Variants in FAM120B observed in about 807,000 individuals in gnomAD.
FAM120B encodes family with sequence similarity 120 member B, also known as constitutive coactivator of peroxisome proliferator-activated receptor gamma.
In FAM120B, 83 loss-of-function variants were observed where a neutral mutation model predicts 96.3. That is an observed-to-expected ratio of 0.86 (90% CI 0.72 to 1.03). The LOEUF is 1.03. Ranked by LOEUF, FAM120B falls within the 50% of genes least tolerant of loss-of-function variation. The pLI, the probability that FAM120B is intolerant of heterozygous loss-of-function variation, is 0.00. For synonymous variants in FAM120B, 407 were observed against 402.7 expected (o/e 1.01, Z -0.13); for missense variants, 1,027 against 1,121.2 (o/e 0.92, Z 1.20).
chr6:170,373,170 C>T (rs549933538), intron 6 of FAM120B, among the ~76,000 whole-genome samples: 1 of 152,342 alleles, frequency 6.6e-6, no homozygotes, highest in African/African-American at 2.4e-5. Flanking sequence ...TGGTTCCCAT[C>T]AGATGCCCTG....
At chr6:170,379,669 T>A (rs1296112843) in intron 6 of FAM120B, among the ~76,000 whole-genome samples, 1 of 152,246 alleles carries the variant, frequency 6.6e-6, no homozygotes, top group Non-Finnish European at 1.5e-5. Context: ...GATTTTTATA[T>A]TATTTTGAAA....
chr6:170,316,209 T>C (rs1241931300), intron 1 of FAM120B, among the ~76,000 whole-genome samples: 1 of 152,166 alleles, frequency 6.6e-6, no homozygotes, highest in Non-Finnish European at 1.5e-5. Flanking sequence ...GATTAGAATG[T>C]AGATGTTAAA....
chr6:170,291,004 C>G (rs1783853816), upstream of FAM120B: 1 of 701,876 alleles, frequency 1.4e-6, no homozygotes, highest in Admixed American at 2.0e-5. Context: ...TCAGCAGCCC[C>G]CCAATCTGGC....
At chr6:170,332,935 T>G (rs1786158416) in intron 4 of FAM120B, among the ~76,000 whole-genome samples, 1 of 152,122 alleles carries the variant, frequency 6.6e-6, no homozygotes, top group African/African-American at 2.4e-5. Flanking sequence ...CTTTTTCCTC[T>G]GGTAGCACAT....
intron 4 of FAM120B, among the ~76,000 whole-genome samples, chr6:170,340,796 G>A (rs1786769214): frequency 6.6e-6 from 1 of 152,150 alleles, no homozygotes; most frequent in African/African-American, 2.4e-5. Context: ...TACCCTGTTT[G>A]CCTGGTATCA....
intron 3 of FAM120B, among the ~76,000 whole-genome samples, chr6:170,327,556 A>G (rs1385025153): frequency 2.0e-5 from 3 of 151,944 alleles, no homozygotes; most frequent in Non-Finnish European, 4.4e-5. Context: ...CGGTGAGTCC[A>G]TGAGTGAGTG....
At chr6:170,330,868 G>T in intron 4 of FAM120B, 1 of 281,774 alleles carries the variant, frequency 3.5e-6, no homozygotes, top group Non-Finnish European at 6.7e-6. Flanking sequence ...TGCTGCCGCA[G>T]CCCCAGTGCC....
chr6:170,327,453 A>G (rs1469529261), intron 3 of FAM120B, among the ~76,000 whole-genome samples: 3 of 152,254 alleles, frequency 2.0e-5, no homozygotes, highest in African/African-American at 7.2e-5. Context: ...TTCAGACTGT[A>G]AAAAAGCAGG....
intron 4 of FAM120B, among the ~76,000 whole-genome samples, chr6:170,333,517 C>CTT (rs568919700): frequency 1.9e-4 from 26 of 138,200 alleles, no homozygotes; most frequent in East Asian, 4.3e-4. Flanking sequence ...TGAGCCTCAT[C>CTT]TTTTTTTTTT....
In FAM120B at chr6:170,404,854, T is replaced by C. The variant is rs41269643; in HGVS notation, c.*103T>C. On this transcript the variant is annotated 3_prime_UTR_variant, in exon 11 of 11. Coordinates refer to ENST00000476287, the MANE Select transcript of FAM120B (RefSeq NM_032448.3). ...TGCAGCTGCAAGGAGACCATGCCTGTGGGAGCCAGGCCTCGCTTGCATGAA... is the reference window on the plus strand; with the variant it reads ...TGCAGCTGCAAGGAGACCATGCCTGCGGGAGCCAGGCCTCGCTTGCATGAA... 90 of 486,898 alleles carry C rather than the reference T, an allele frequency of 1.8e-4. No individual in the cohort carries two copies. The highest frequency in any genetic ancestry group is 3.0e-4 in the Non-Finnish European group (83 of 274,600). 30.2% of individuals were successfully genotyped at this position (486,898 alleles called of 1,614,324 possible).
At chr6:170,350,519 T>C (rs951559287) in intron 5 of FAM120B, among the ~76,000 whole-genome samples, 1 of 152,196 alleles carries the variant, frequency 6.6e-6, no homozygotes, top group Admixed American at 6.5e-5. Flanking sequence ...TCCAGCCACC[T>C]CCTACAGGTG....
At chr6:170,390,817 G>T (rs1422598549) in intron 7 of FAM120B, among the ~76,000 whole-genome samples, 196 bp from the exon 8 acceptor site, 1 of 152,150 alleles carries the variant, frequency 6.6e-6, no homozygotes, top group Non-Finnish European at 1.5e-5. Context: ...TGTTCTCGAA[G>T]AACCTCTTGG....
chr6:170,319,067 TGTG>T lies in FAM120B; in HGVS notation c.1679_1681del (p.Val560del). On this transcript the variant is annotated inframe_deletion, in exon 2 of 11. Transcript: ENST00000476287. The stretch of plus-strand genomic sequence containing the variant: ...AAATTAAACAAGAAGACCCCACAAA[TGTG>T]GGGCCTGAAGTAAAGCAACAAGTAA... 1 of 1,596,464 alleles carries T rather than the reference TGTG, an allele frequency of 6.3e-7. No homozygotes were observed. Among genetic ancestry groups the T allele is most frequent in the Non-Finnish European group, 8.5e-7 (1 of 1,171,802 alleles).
At chr6:170,304,262 A>T (rs1784206537), upstream of FAM120B, among the ~76,000 whole-genome samples, 2 of 152,200 alleles carry the variant, frequency 1.3e-5, no homozygotes, top group South Asian at 4.1e-4. Context: ...ATTGTATTCC[A>T]GCTTCCTGGG....
chr6:170,388,368 G>A lies in FAM120B; in HGVS notation c.2365G>A (p.Ala789Thr), dbSNP rs1163862477. ...GLTTLVLVNS[A>T]CGFPWKTSDF... ...CACCACTCTGGTTTTAGTCAACAGC[G>A]CATGTGGCTTCCCCTGGAAGACGAG... The change falls in exon 7 of 11, where the codon GCA (alanine) becomes ACA (threonine). Residue 789 changes from alanine to threonine, a missense_variant. By Grantham distance (58) the Ala-to-Thr change is moderately conservative. This residue lies in a region of FAM120B where 880 missense variants were observed against 980.9 expected (regional missense o/e 0.90). Transcript: ENST00000476287. 2.5e-6 allele frequency: 4 copies of A among 1,614,124 alleles called. No homozygotes were observed. Among genetic ancestry groups the A allele is most frequent in the East Asian group, 2.2e-5 (1 of 44,882 alleles).
intron 3 of FAM120B, among the ~76,000 whole-genome samples, chr6:170,329,418 G>A (rs1390204130): frequency 6.6e-6 from 1 of 152,194 alleles, no homozygotes; most frequent in Non-Finnish European, 1.5e-5. Context: ...TTCTAGTGTT[G>A]ATGGTAGGAA....
intron 5 of FAM120B, 103 bp downstream of exon 5, chr6:170,348,426 C>A: frequency 9.5e-7 from 1 of 1,052,458 alleles, no homozygotes; most frequent in South Asian, 1.5e-5. Context: ...TGTCTTTTTC[C>A]AATGTCTGTT....
intron 6 of FAM120B, among the ~76,000 whole-genome samples, chr6:170,374,158 G>C (rs1789372191): frequency 6.6e-6 from 1 of 152,220 alleles, no homozygotes; most frequent in South Asian, 2.1e-4. Flanking sequence ...ACTCCGCGCA[G>C]TAAGTTCTCT....
intron 3 of FAM120B, among the ~76,000 whole-genome samples, chr6:170,326,432 C>G (rs1032104235): frequency 6.6e-5 from 10 of 152,186 alleles, no homozygotes; most frequent in Admixed American, 6.5e-4. Flanking sequence ...TTTTTCATCT[C>G]TATGTTCTTG....
Sources: allele counts gnomAD v4.1 joint callset (sites outside exome capture counted in the v4.1 genomes callset), GRCh38; gene constraint gnomAD v4.1.1; regional missense constraint gnomAD v4.1.1; transcripts MANE v1.5; gene names NCBI Gene and HGNC (gene_info 2026-07-23, HGNC 2026-07-21).